The following NEIL3 variants were observed in gnomAD, a reference collection of about 807,000 sequenced individuals.
NEIL3 encodes the protein endonuclease 8-like 3.
In NEIL3, 48 loss-of-function variants were observed where a neutral mutation model predicts 57.5. That is an observed-to-expected ratio of 0.83 (90% CI 0.66 to 1.06). The LOEUF (loss-of-function observed/expected upper bound fraction) is 1.06. Ranked by LOEUF, NEIL3 falls within the 50% of genes least tolerant of loss-of-function variation. The pLI, the probability that NEIL3 is intolerant of heterozygous loss-of-function variation, is 0.00. For missense variants in NEIL3, 717 were observed against 739.1 expected (o/e 0.97, Z 0.35); for synonymous variants, 261 against 253.2 (o/e 1.03, Z -0.29).
chr4:177,332,148 G>C (rs1734896113), intron 2 of NEIL3, among the ~76,000 whole-genome samples: 1 of 152,154 alleles, frequency 6.6e-6, no homozygotes, highest in Non-Finnish European at 1.5e-5. Context: ...AGTTTTCTTA[G>C]GGTTGCTGTC....
chr4:177,346,960 C>A (rs72702970), intron 6 of NEIL3, among the ~76,000 whole-genome samples: 17,139 of 150,394 alleles, frequency 0.11, 1,325 homozygotes, highest in Admixed American at 0.26. Flanking sequence ...CGAGATCGCG[C>A]CAATGCACTT....
chr4:177,324,110 G>T (rs1560909786), intron 2 of NEIL3, among the ~76,000 whole-genome samples: 1 of 152,138 alleles, frequency 6.6e-6, no homozygotes, highest in Non-Finnish European at 1.5e-5. Flanking sequence ...TTCAAAAAAT[G>T]TACTTCCAAC....
At chr4:177,366,319 T>C (rs183122335), downstream of NEIL3, among the ~76,000 whole-genome samples, 2 of 152,336 alleles carry the variant, frequency 1.3e-5, no homozygotes, top group Non-Finnish European at 2.9e-5. Context: ...TGTTACCATA[T>C]TAATTCTAAT....
At chr4:177,315,068 CA>C (rs61100906) in intron 1 of NEIL3, among the ~76,000 whole-genome samples, 9,865 of 106,368 alleles carry the variant, frequency 0.093, 302 homozygotes, top group East Asian at 0.3. Flanking sequence ...GACTCCGTCT[CA>C]AAAAAAAAAA....
At chr4:177,342,834 C>T (rs1735124893) in intron 6 of NEIL3, among the ~76,000 whole-genome samples, 1 of 152,176 alleles carries the variant, frequency 6.6e-6, no homozygotes, top group Non-Finnish European at 1.5e-5. Context: ...ACAGAGGCTC[C>T]ACGTTGTGGA....
At chr4:177,361,823 C>A (rs150439745) in intron 9 of NEIL3, among the ~76,000 whole-genome samples, 55 of 151,832 alleles carry the variant, frequency 3.6e-4, no homozygotes, top group African/African-American at 1.3e-3. Flanking sequence ...ACAGGGTCTC[C>A]CTATGTTGCC....
intron 3 of NEIL3, 30 bp downstream of exon 3, chr4:177,335,852 C>A: frequency 1.3e-6 from 2 of 1,510,196 alleles, no homozygotes; most frequent in Non-Finnish European, 8.8e-7. Context: ...AGTACTTACG[C>A]TGCAATACTG....
At chr4:177,366,310 G>T (rs1002669554), downstream of NEIL3, among the ~76,000 whole-genome samples, 2 of 149,966 alleles carry the variant, frequency 1.3e-5, no homozygotes, top group African/African-American at 4.9e-5. Context: ...TATGTGAAGT[G>T]TTACCATATT....
intron 1 of NEIL3, among the ~76,000 whole-genome samples, chr4:177,315,109 GA>G (rs1560906547): frequency 2.0e-5 from 3 of 150,758 alleles, no homozygotes; most frequent in Non-Finnish European, 2.9e-5. Flanking sequence ...GTACTGGGGG[GA>G]AAAGTGTGTG....
intron 8 of NEIL3, among the ~76,000 whole-genome samples, chr4:177,356,601 G>A (rs1327868302): frequency 1.3e-5 from 2 of 152,154 alleles, no homozygotes; most frequent in Non-Finnish European, 2.9e-5. Flanking sequence ...TACTATTAAA[G>A]CAGGTGGTCC....
intron 4 of NEIL3, among the ~76,000 whole-genome samples, chr4:177,338,005 G>A (rs1221904683): frequency 2.1e-5 from 3 of 143,582 alleles, no homozygotes; most frequent in South Asian, 2.2e-4. Flanking sequence ...GCAACAGAGC[G>A]AGACTCTGTC....
chr4:177,369,763 G>C, the NEIL3 span, among the ~76,000 whole-genome samples: 6 of 152,298 alleles, frequency 3.9e-5, no homozygotes, highest in Non-Finnish European at 8.8e-5. Context: ...GTTTTGGCTA[G>C]TGTGTGCTAG....
intron 4 of NEIL3, among the ~76,000 whole-genome samples, chr4:177,338,372 A>G (rs1297254954): frequency 1.3e-5 from 2 of 152,236 alleles, no homozygotes; most frequent in African/African-American, 4.8e-5. Flanking sequence ...AAGTCCATAC[A>G]TACTGAAGTC....
At chr4:177,331,151 A>AT in intron 2 of NEIL3, among the ~76,000 whole-genome samples, 1 of 152,326 alleles carries the variant, frequency 6.6e-6, no homozygotes, top group South Asian at 2.1e-4. Context: ...CTATGTTTTA[A>AT]ATAAGTTGAG....
chr4:177,348,169 G>A (rs907081113), intron 6 of NEIL3, among the ~76,000 whole-genome samples: 1 of 152,162 alleles, frequency 6.6e-6, no homozygotes, highest in Non-Finnish European at 1.5e-5. Context: ...ACAGATTGCC[G>A]GGCCCCACCC....
intron 8 of NEIL3, 30 bp from the exon 9 acceptor site, chr4:177,360,473 C>T (rs1243802419): frequency 6.3e-7 from 1 of 1,590,016 alleles, no homozygotes; most frequent in African/African-American, 1.3e-5. Flanking sequence ...CACTCCTATG[C>T]TGTACTTATT....
At chr4:177,324,984 GATAA>G (rs1190227343) in intron 2 of NEIL3, among the ~76,000 whole-genome samples, 1 of 142,500 alleles carries the variant, frequency 7.0e-6, no homozygotes, top group Non-Finnish European at 1.6e-5. Flanking sequence ...TAGATAGATA[GATAA>G]GTAAATATAT....
intron 6 of NEIL3, among the ~76,000 whole-genome samples, chr4:177,348,327 C>G (rs987417472): frequency 6.6e-6 from 1 of 152,138 alleles, no homozygotes; most frequent in Non-Finnish European, 1.5e-5. Flanking sequence ...CAGGTTCCCC[C>G]CCTCTACCAG....
chr4:177,367,132 C>T (rs372361838), downstream of NEIL3, among the ~76,000 whole-genome samples: 1 of 152,134 alleles, frequency 6.6e-6, no homozygotes, highest in Non-Finnish European at 1.5e-5. Flanking sequence ...CCAAATCTGA[C>T]GAATCTCAGT....
Sources: gnomAD v4.1 joint callset for allele counts (sites outside exome capture counted in the v4.1 genomes callset) on GRCh38, gnomAD v4.1.1 for gene constraint, MANE v1.5 for transcripts, NCBI Gene and HGNC (gene_info 2026-07-23, HGNC 2026-07-21) for gene names.